Variants in AGO2 observed in about 807,000 individuals in gnomAD.
The protein encoded by AGO2 is protein argonaute-2.
Under a neutral mutation model 102.3 loss-of-function variants are expected in AGO2, and 5 were observed. That is an observed-to-expected ratio of 0.05 (90% CI 0.03 to 0.10). AGO2 has a LOEUF of 0.10. AGO2 is among the 10% of genes least tolerant of loss of function. AGO2 has a pLI of 1.00. For missense variants in AGO2, 541 were observed against 1,183.7 expected (o/e 0.46, Z 7.97); for synonymous variants, 449 against 473.1 (o/e 0.95, Z 0.66).
chr8:140,550,623 AT>A (rs202150638), intron 11 of AGO2, among the ~76,000 whole-genome samples: 1 of 151,522 alleles, frequency 6.6e-6, no homozygotes, highest in Admixed American at 6.6e-5. Flanking sequence ...TTCTCTTCCT[AT>A]TTTTTTTCTT....
intron 1 of AGO2, among the ~76,000 whole-genome samples, chr8:140,628,552 C>T (rs1321352307): frequency 6.6e-6 from 1 of 152,168 alleles, no homozygotes; most frequent in African/African-American, 2.4e-5. Flanking sequence ...CACCTGTAAT[C>T]CCAGCACCTT....
At chr8:140,577,556 A>G (rs544192273) in intron 2 of AGO2, among the ~76,000 whole-genome samples, 2 of 152,352 alleles carry the variant, frequency 1.3e-5, no homozygotes, top group Admixed American at 1.3e-4. Context: ...ATCCTAAAAT[A>G]GAAGTAGAAA....
chr8:140,582,714 C>T (rs929747200), intron 2 of AGO2, among the ~76,000 whole-genome samples: 1 of 152,090 alleles, frequency 6.6e-6, no homozygotes, highest in Non-Finnish European at 1.5e-5. Flanking sequence ...TCTTTATGAT[C>T]CCTAGGTAGG....
rs189554996 is a variant in AGO2 at position 140,596,812 on chromosome 8, G to A, written c.23-11501C>T. 4.6e-5 allele frequency among the ~76,000 whole-genome samples: 7 copies of A among 152,344 alleles called. No individual in the cohort carries two copies. The East Asian group carries it at 1.3e-3, about 29-fold the overall frequency. On this transcript the variant is annotated intron_variant, in intron 1 of 18. Coordinates refer to ENST00000220592, the MANE Select transcript of AGO2 (RefSeq NM_012154.5). ...CGGTGGAGCAGCAGGGGAGAGGCAAGTGGCCGGGGTGGGGGACGGGCCCAC... is the reference window on the plus strand; with the variant it reads ...CGGTGGAGCAGCAGGGGAGAGGCAAATGGCCGGGGTGGGGGACGGGCCCAC...
Position 140,589,802 on chromosome 8 carries a change from G to A in AGO2, c.23-4491C>T, listed in dbSNP as rs1325599494. ...CCACCGAGATCCGTGCCATCAGCAC[G>A]AGCCGCAGAACAGGACGGAGTGATG... is the stretch of plus-strand genomic sequence containing the variant. On this transcript the variant is annotated intron_variant, in intron 1 of 18. Transcript: ENST00000220592. The surrounding 1 kb of genome is among the most constrained non-coding windows in gnomAD (Gnocchi z 4.2). 6.6e-6 allele frequency among the ~76,000 whole-genome samples: 1 copy of A among 151,874 alleles called. No homozygotes were observed. The highest frequency in any genetic ancestry group is 1.5e-5 in the Non-Finnish European group (1 of 68,012).
chr8:140,577,929 G>A (rs1026317151), intron 2 of AGO2, among the ~76,000 whole-genome samples: 1 of 152,240 alleles, frequency 6.6e-6, no homozygotes, highest in African/African-American at 2.4e-5. Flanking sequence ...CCAGCACGGC[G>A]TGCGGCTTGG....
chr8:140,544,006 C>T (rs1218305816), intron 14 of AGO2, among the ~76,000 whole-genome samples: 1 of 152,232 alleles, frequency 6.6e-6, no homozygotes, highest in Non-Finnish European at 1.5e-5. Flanking sequence ...TATGCCCCAC[C>T]TCTGACTGCT....
intron 1 of AGO2, among the ~76,000 whole-genome samples, chr8:140,619,591 C>G (rs548340314): frequency 7.0e-4 from 107 of 152,320 alleles, no homozygotes; most frequent in African/African-American, 2.5e-3. Context: ...GAGGAGGGAC[C>G]TACCCCCAGG....
chr8:140,563,631 A>AC (rs762710945), intron 3 of AGO2, among the ~76,000 whole-genome samples: 2 of 152,284 alleles, frequency 1.3e-5, no homozygotes, highest in Non-Finnish European at 2.9e-5. Flanking sequence ...CGGGATCTGG[A>AC]CCCCGAAGGC....
chr8:140,603,155 C>A (rs567562024), intron 1 of AGO2, among the ~76,000 whole-genome samples: 1 of 152,204 alleles, frequency 6.6e-6, no homozygotes, highest in Non-Finnish European at 1.5e-5. Context: ...CAGGCCCCCA[C>A]GGCGGCGTGG....
Position 140,539,585 on chromosome 8 carries a change from G to A in AGO2, c.2035-131C>T. ...GAGAGACAATGAGTGTGTTCACGGG[G>A]AGGTGAAAACACGGGGGCAGAAACC... On this transcript the variant is annotated intron_variant, in intron 15 of 18. Transcript: ENST00000220592. The surrounding 1 kb of genome is among the most constrained non-coding windows in gnomAD (Gnocchi z 4.7). 4 of 1,131,896 alleles carry A rather than the reference G, an allele frequency of 3.5e-6. No individual in the cohort carries two copies. Among genetic ancestry groups the A allele is most frequent in the Non-Finnish European group, 5.0e-6 (4 of 804,864 alleles). The allele number at this position is 1,131,896 out of a possible 1,614,324, so 70.1% of individuals were successfully genotyped here.
intron 1 of AGO2, among the ~76,000 whole-genome samples, chr8:140,620,419 G>C (rs2074203678): frequency 6.6e-6 from 1 of 152,232 alleles, no homozygotes; most frequent in African/African-American, 2.4e-5. Context: ...AATGGTAAGA[G>C]AATATTTATG....
intron 1 of AGO2, among the ~76,000 whole-genome samples, chr8:140,634,472 G>A (rs2074377922): frequency 1.3e-5 from 2 of 152,352 alleles, no homozygotes; most frequent in Admixed American, 6.5e-5. Context: ...GCGGTGCCCC[G>A]TCCCAGCGGC....
rs553831994 is a variant in AGO2, at chr8:140,551,275, C to T, written c.1403+28G>A. The T allele has an allele frequency of 3.4e-6, 5 of 1,487,178 alleles. No homozygotes were observed. The East Asian group carries it at 1.2e-4, about 36-fold the overall frequency. 92.1% of individuals were successfully genotyped at this position (1,487,178 alleles called of 1,614,324 possible). ...CTGCCCATCGGGCAGCACCCCCAGG[C>T]CGGAGCCTCTGCCTGTGGGGGGCTT... On this transcript the variant is annotated intron_variant, in intron 11 of 18. Transcript: ENST00000220592.
In AGO2 at chr8:140,526,134, T is replaced by C. The variant is rs1044397600; in HGVS notation, c.*5910A>G. The C allele has an allele frequency of 6.6e-6, 1 of 152,242 alleles. No individual in the cohort carries two copies. Among genetic ancestry groups the C allele is most frequent in the Non-Finnish European group, 1.5e-5 (1 of 68,046 alleles). The allele number at this position is 152,242 out of a possible 1,614,324, so 9.4% of individuals were successfully genotyped here. ...TGTCTTTGAAACCATGCAACTATTT[T>C]AAATGTATTATTTGCATGACAGTCG... On this transcript the variant is annotated 3_prime_UTR_variant, in exon 19 of 19. Coordinates refer to ENST00000220592, the MANE Select transcript of AGO2 (RefSeq NM_012154.5). This position sits in a 1 kb window ranked among gnomAD's most constrained non-coding sequence, Gnocchi z 5.2.
chr8:140,552,311 C>T (rs1653105785), intron 10 of AGO2, among the ~76,000 whole-genome samples: 1 of 152,200 alleles, frequency 6.6e-6, no homozygotes, highest in Admixed American at 6.5e-5. Context: ...GCTGTCAGCT[C>T]TCAGCCAGCT....
intron 1 of AGO2, among the ~76,000 whole-genome samples, chr8:140,630,548 T>C (rs1438269740): frequency 6.6e-6 from 1 of 152,188 alleles, no homozygotes; most frequent in African/African-American, 2.4e-5. Flanking sequence ...GGGCTCTCAA[T>C]GTGTGGCGTG....
At chr8:140,639,824 C>G (rs535230607), upstream of AGO2, among the ~76,000 whole-genome samples, 1 of 152,264 alleles carries the variant, frequency 6.6e-6, no homozygotes, top group Non-Finnish European at 1.5e-5. Flanking sequence ...CTGCCAGTGC[C>G]ATCCTCCACT....
chr8:140,557,064 GACA>G lies in AGO2; in HGVS notation c.1026+22_1026+24del. The G allele has an allele frequency of 6.2e-7, 1 of 1,603,260 alleles. No individual in the cohort carries two copies. The highest frequency in any genetic ancestry group is 1.1e-5 in the South Asian group (1 of 89,726). On this transcript the variant is annotated intron_variant, in intron 8 of 18. Transcript: ENST00000220592. The surrounding 1 kb of genome is among the most constrained non-coding windows in gnomAD (Gnocchi z 5.9). ...GACGCCGCCCTCCCAAGCCCCCAGA[GACA>G]CACAGGAAGAGGGTGACTTGCCTCC... is the stretch of plus-strand genomic sequence containing the variant.
Sources: gnomAD v4.1 joint callset for allele counts (sites outside exome capture counted in the v4.1 genomes callset) on GRCh38, gnomAD v4.1.1 for gene constraint, Gnocchi (gnomAD v3.1) non-coding constraint, MANE v1.5 for transcripts, NCBI Gene and HGNC (gene_info 2026-07-23, HGNC 2026-07-21) for gene names.